PRRC2A: variants seen among roughly 807,000 people sequenced by gnomAD.
PRRC2A encodes proline rich coiled-coil 2A.
PRRC2A carries 59 observed loss-of-function variants against 224.6 expected under a neutral mutation model. That is an observed-to-expected ratio of 0.26 (90% CI 0.21 to 0.33). The LOEUF (loss-of-function observed/expected upper bound fraction) is 0.33. PRRC2A is among the 10% of genes least tolerant of loss of function. The pLI, the probability that PRRC2A is intolerant of heterozygous loss-of-function variation, is 1.00. For synonymous variants in PRRC2A, 1,194 were observed against 1,109.5 expected, an observed-to-expected ratio of 1.08 and a Z score of -1.51; for missense variants, 3,095 against 2,880.7, an observed-to-expected ratio of 1.07 and a Z score of -1.70.
Position 31,632,300 on chromosome 6 carries a change from G to C in PRRC2A, c.3627G>C (p.Leu1209Phe). ...TGPLPPSKEPLKEKLIPGPLS... is the reference protein window; with the variant it reads ...TGPLPPSKEPFKEKLIPGPLS... ...CTTTGCCACCAAGTAAGGAGCCTTT[G>C]AAAGAGAAGTTGATCCCAGGGCCTC... Residue 1209 changes from leucine to phenylalanine, a missense_variant, in exon 16 of 31, where the codon TTG (leucine) becomes TTC (phenylalanine). Coordinates refer to ENST00000376033, the MANE Select transcript of PRRC2A (RefSeq NM_004638.4). The C allele has an allele frequency of 6.2e-7, 1 of 1,613,290 alleles. No homozygotes were observed. Among genetic ancestry groups the C allele is most frequent in the Non-Finnish European group, 8.5e-7 (1 of 1,180,008 alleles).
intron 23 of PRRC2A, 40 bp from the exon 24 acceptor site, chr6:31,635,542 G>C: frequency 6.2e-7 from 1 of 1,611,324 alleles, no homozygotes; most frequent in Non-Finnish European, 8.5e-7. Context: ...GGGCGTCCAG[G>C]ATGCCAGACA....
rs1477578360 is a variant in PRRC2A at position 31,626,062 on chromosome 6, A to G, written c.882A>G (p.Pro294=). 6.2e-7 allele frequency: 1 copy of G among 1,611,964 alleles called. No homozygotes were observed. The highest frequency in any genetic ancestry group is 1.3e-5 in the African/African-American group (1 of 74,908). ...RVAGPRGSGP[P]MRLVEPVGRP... Reference sequence around the variant, plus strand: ...CGGGCCCCCGAGGCTCAGGGCCACCAATGCGCTTAGTAGAGCCTGTGGGTC... The same window carrying G: ...CGGGCCCCCGAGGCTCAGGGCCACCGATGCGCTTAGTAGAGCCTGTGGGTC... The change falls in exon 9 of 31, where the codon CCA becomes CCG. Residue 294 remains proline (P), a synonymous_variant. Coordinates refer to ENST00000376033, the MANE Select transcript of PRRC2A (RefSeq NM_004638.4).
chr6:31,635,949 C>T lies in PRRC2A; in HGVS notation c.5542-18C>T, dbSNP rs760435282. ...CCACAGATACTAAAGCTGTTTCAACCGTGCTCCTCTCCTGCAGATCTCTGG... is the reference window on the plus strand; with the variant it reads ...CCACAGATACTAAAGCTGTTTCAACTGTGCTCCTCTCCTGCAGATCTCTGG... On this transcript the variant is annotated intron_variant, in intron 24 of 30. Transcript: ENST00000376033. 1.3e-5 allele frequency: 21 copies of T among 1,588,860 alleles called. No homozygotes were observed. Among genetic ancestry groups the T allele is most frequent in the South Asian group, 4.5e-5 (4 of 89,094 alleles).
chr6:31,620,873 A>G lies in PRRC2A; in HGVS notation c.-101+15A>G. The stretch of plus-strand genomic sequence containing the variant: ...CACCCGGCCAGGTGAGTCTGGGTGA[A>G]CCGTGCGCTGACGCCCTTTTCCGGC... On this transcript the variant is annotated intron_variant, in intron 1 of 30. Transcript: ENST00000376033. The G allele has an allele frequency of 6.5e-6, 1 of 154,424 alleles. No homozygotes were observed. Among genetic ancestry groups the G allele is most frequent in the Non-Finnish European group, 1.4e-5 (1 of 69,068 alleles). The allele number at this position is 154,424 out of a possible 1,614,324, so 9.6% of individuals were successfully genotyped here. A position where few individuals can be genotyped will look rare whatever the true frequency, so the allele number is the denominator to read the frequency against.
Position 31,637,482 on chromosome 6 carries a change from C to T in PRRC2A, c.6370C>T (p.Pro2124Ser). ...PPDALRWIPK[P>S]WERTGPPPRE... ...AGATGCCCTGCGCTGGATACCTAAG[C>T]CTTGGGAGCGGACAGGGCCGCCACC... The change falls in exon 31 of 31, where the codon CCT (proline) becomes TCT (serine). Residue 2124 changes from proline to serine, a missense_variant. Physicochemically the swap from Pro to Ser is moderately conservative, Grantham distance 74 (BLOSUM62 -1). Coordinates refer to ENST00000376033, the MANE Select transcript of PRRC2A (RefSeq NM_004638.4). 1 of 1,574,330 alleles carries T rather than the reference C, an allele frequency of 6.4e-7. No homozygotes were observed. The highest frequency in any genetic ancestry group is 8.6e-7 in the Non-Finnish European group (1 of 1,159,696).
At chr6:31,621,165 C>G (rs962023924) in intron 1 of PRRC2A, among the ~76,000 whole-genome samples, 17 of 151,600 alleles carry the variant, frequency 1.1e-4, no homozygotes, top group Non-Finnish European at 2.2e-4. Flanking sequence ...GCGCTCCTGG[C>G]TTTTCACCCC....
rs760379011 is a variant in PRRC2A at position 31,632,962 on chromosome 6, A to G, written c.4289A>G (p.Lys1430Arg). Residue 1430 changes from lysine to arginine, a missense_variant, in exon 16 of 31, where the codon AAG becomes AGG. This residue lies in a region of PRRC2A where 2,001 missense variants were observed against 1,764.9 expected (regional missense o/e 1.13). Coordinates refer to ENST00000376033, the MANE Select transcript of PRRC2A (RefSeq NM_004638.4). ...AGGACCGGGCCAGGACGAGGCGACA[A>G]GAGGAGCTGGCCCTCTCCCAAGAAC... is the stretch of plus-strand genomic sequence containing the variant. ...GGRTGPGRGD[K>R]RSWPSPKNRS... The G allele has an allele frequency of 1.9e-6, 3 of 1,600,804 alleles. No homozygotes were observed. The highest frequency in any genetic ancestry group is 1.3e-5 in the African/African-American group (1 of 74,508).
chr6:31,629,005 G>T (rs1034965985), intron 12 of PRRC2A, 139 bp from the exon 13 acceptor site: 1 of 873,602 alleles, frequency 1.1e-6, no homozygotes, highest in South Asian at 1.6e-5. Flanking sequence ...GTCTTAAATG[G>T]GAGGGGCTTC....
At chr6:31,635,076 C>A (rs1777163244) in intron 21 of PRRC2A, 56 bp from the exon 22 acceptor site, 15 of 1,601,508 alleles carry the variant, frequency 9.4e-6, no homozygotes, top group African/African-American at 1.3e-5. Flanking sequence ...TCTGGGCATT[C>A]CAATTTGGAT....
Position 31,632,726 on chromosome 6 carries a change from G to A in PRRC2A, c.4053G>A (p.Val1351=). 2 of 1,613,130 alleles carry A rather than the reference G, an allele frequency of 1.2e-6. No individual in the cohort carries two copies. Among genetic ancestry groups the A allele is most frequent in the South Asian group, 1.1e-5 (1 of 91,088 alleles). Residue 1351 remains valine, a synonymous_variant, in exon 16 of 31, where the codon GTG becomes GTA. Coordinates refer to ENST00000376033, the MANE Select transcript of PRRC2A (RefSeq NM_004638.4). ...CAGTACTGCTGACACCCAAGGCTGT[G>A]GGAACTCCTGGGGGAGGTGGAGGTG... ...PPPVLLTPKA[V]GTPGGGGGGA... is the part of the protein sequence containing the mutation.
Position 31,627,655 on chromosome 6 carries a change from G to C in PRRC2A, c.1291-110G>C. 7.3e-7 allele frequency: 1 copy of C among 1,378,090 alleles called. No individual in the cohort carries two copies. The highest frequency in any genetic ancestry group is 9.8e-7 in the Non-Finnish European group (1 of 1,023,590). The allele number at this position is 1,378,090 out of a possible 1,614,324, so 85.4% of individuals were successfully genotyped here. A position where few individuals can be genotyped will look rare whatever the true frequency, so the allele number is the denominator to read the frequency against. On this transcript the variant is annotated intron_variant, in intron 11 of 30. Coordinates refer to ENST00000376033, the MANE Select transcript of PRRC2A (RefSeq NM_004638.4). The surrounding 1 kb of genome is among the most constrained non-coding windows in gnomAD (Gnocchi z 5.6). ...ACCACCCAGAGAGATCAACCCCAAAGCCTGGGTCGTTGCATCCTGCAAGTA... is the reference window on the plus strand; with the variant it reads ...ACCACCCAGAGAGATCAACCCCAAACCCTGGGTCGTTGCATCCTGCAAGTA...
Position 31,629,277 on chromosome 6 carries a change from C to T in PRRC2A, c.1899C>T (p.Gly633=), listed in dbSNP as rs147725978. 1 of 1,596,914 alleles carries T rather than the reference C, an allele frequency of 6.3e-7. No homozygotes were observed. The part of the protein sequence containing the change: ...IGPTRQPPSQ[G]LGYPKYQKSL... ...CCACCCGCCAGCCCCCTAGTCAGGG[C>T]TTGGGCTACCCCAAATATCAGAAGT... Residue 633 remains glycine, a synonymous_variant, in exon 13 of 31, where the codon GGC becomes GGT. Coordinates refer to ENST00000376033, the MANE Select transcript of PRRC2A (RefSeq NM_004638.4).
At chr6:31,622,044 T>A (rs1272261982) in intron 1 of PRRC2A, among the ~76,000 whole-genome samples, 1 of 152,178 alleles carries the variant, frequency 6.6e-6, no homozygotes, top group Non-Finnish European at 1.5e-5. Flanking sequence ...CAGGAGCAAG[T>A]TTAGGAAAAG....
chr6:31,622,915 AAAG>A lies in PRRC2A; in HGVS notation c.112+16_112+18del. ...AGAAACCCGCTGGTGAGAGTCCTGCAAAGATGCTTCTGATGGTTGAAAGCTAGG... is the reference window on the plus strand; with the variant it reads ...AGAAACCCGCTGGTGAGAGTCCTGCAATGCTTCTGATGGTTGAAAGCTAGG... On this transcript the variant is annotated intron_variant, in intron 2 of 30. Coordinates refer to ENST00000376033, the MANE Select transcript of PRRC2A (RefSeq NM_004638.4). 2 of 1,602,424 alleles carry A rather than the reference AAAG, an allele frequency of 1.2e-6. No homozygotes were observed. The highest frequency in any genetic ancestry group is 1.7e-6 in the Non-Finnish European group (2 of 1,169,338).
At chr6:31,629,120 T>A (rs1055143389) in intron 12 of PRRC2A, 24 bp from the exon 13 acceptor site, 32 of 1,612,940 alleles carry the variant, frequency 2.0e-5, no homozygotes, top group Non-Finnish European at 2.6e-5. Flanking sequence ...ACTAGATCAC[T>A]CTGTTGTGTT....
Position 31,631,014 on chromosome 6 carries a change from C to T in PRRC2A, c.2466-125C>T, listed in dbSNP as rs541611848. 47 of 1,244,666 alleles carry T rather than the reference C, an allele frequency of 3.8e-5. 1 individual carries two copies. In the East Asian group the frequency reaches 9.4e-4, roughly 25 times the overall value. The allele number at this position is 1,244,666 out of a possible 1,614,324, so 77.1% of individuals were successfully genotyped here. A position where few individuals can be genotyped will look rare whatever the true frequency, so the allele number is the denominator to read the frequency against. On this transcript the variant is annotated intron_variant, in intron 15 of 30. Coordinates refer to ENST00000376033, the MANE Select transcript of PRRC2A (RefSeq NM_004638.4). The surrounding 1 kb of genome is among the most constrained non-coding windows in gnomAD (Gnocchi z 4.5). ...GAGACTAGCCTCGGCAACTGGATGC[C>T]ATCTCTGCCAAAACAAACAGAAAAA...
intron 21 of PRRC2A, 41 bp downstream of exon 21, chr6:31,635,018 TCTGACTTTGGCCCTA>T (rs1469737688): frequency 1.2e-6 from 2 of 1,603,842 alleles, no homozygotes; most frequent in Non-Finnish European, 1.7e-6. Flanking sequence ...TTTCCAGGAA[TCTGACTTTGGCCCTA>T]CCTTTTTCTG....
At chr6:31,628,313 G>T in intron 12 of PRRC2A, 74 bp downstream of exon 12, 1 of 1,502,480 alleles carries the variant, frequency 6.7e-7, no homozygotes, top group Non-Finnish European at 8.8e-7. Context: ...AGGGTGGTAA[G>T]GCTGGGGATA....
At chr6:31,630,185 C>T (rs1368218701) in intron 14 of PRRC2A, among the ~76,000 whole-genome samples, 4 of 152,134 alleles carry the variant, frequency 2.6e-5, no homozygotes, top group African/African-American at 7.2e-5. Flanking sequence ...GGCGTGGTGG[C>T]GCTCGCCTGT....
Sources: gnomAD v4.1 joint callset for allele counts (sites outside exome capture counted in the v4.1 genomes callset) on GRCh38, gnomAD v4.1.1 for gene constraint, gnomAD v4.1.1 regional missense constraint, Gnocchi (gnomAD v3.1) non-coding constraint, MANE v1.5 for transcripts, NCBI Gene and HGNC (gene_info 2026-07-23, HGNC 2026-07-21) for gene names.